The following CDH1 variants were observed in gnomAD, a reference collection of about 807,000 sequenced individuals.
CDH1 encodes the protein cadherin-1.
A neutral mutation model predicts 84.5 loss-of-function variants in CDH1; 35 were observed. That is an observed-to-expected ratio of 0.41 (90% CI 0.32 to 0.55). The LOEUF is 0.55. Among genes scored for constraint, CDH1 ranks in the 20% least tolerant of loss-of-function variants. The pLI is 0.19. For synonymous variants in CDH1, 417 were observed against 439.0 expected, an observed-to-expected ratio of 0.95 and a Z score of 0.63; for missense variants, 994 against 1,126.6, an observed-to-expected ratio of 0.88 and a Z score of 1.68.
At chr16:68,829,428 A>T (rs768084711) in intron 14 of CDH1, among the ~76,000 whole-genome samples, 1 of 152,176 alleles carries the variant, frequency 6.6e-6, no homozygotes, top group Non-Finnish European at 1.5e-5. Context: ...CACAGCCTAT[A>T]TCTGGATCCA....
intron 13 of CDH1, among the ~76,000 whole-genome samples, chr16:68,824,919 G>T (rs957425104): frequency 8.5e-5 from 13 of 152,264 alleles, no homozygotes; most frequent in East Asian, 1.9e-4. Context: ...ACATGTGAAT[G>T]ATGGAAGAGC....
rs1960776694 is a variant in CDH1, at chr16:68,810,122, C to G, written c.688-75C>G. On this transcript the variant is annotated intron_variant, in intron 5 of 15. Coordinates refer to ENST00000261769, the MANE Select transcript of CDH1 (RefSeq NM_004360.5). ...GGTGTGGCAGCCAGGGGGGCGCACT[C>G]TGCTCTGGCTGGGCCCCTTCTCCCA... The G allele has an allele frequency of 9.6e-6, 15 of 1,555,122 alleles. No individual in the cohort carries two copies. In the Admixed American group the frequency reaches 2.0e-4, roughly 21 times the overall value.
At chr16:68,760,844 G>A (rs915222230) in intron 2 of CDH1, among the ~76,000 whole-genome samples, 7 of 152,132 alleles carry the variant, frequency 4.6e-5, no homozygotes, top group African/African-American at 1.2e-4. Context: ...GAGGCCAGGG[G>A]GAGTCTGGGA....
chr16:68,781,808 CTT>C (rs1306901462), intron 2 of CDH1, among the ~76,000 whole-genome samples: 1 of 152,126 alleles, frequency 6.6e-6, no homozygotes, highest in African/African-American at 2.4e-5. Flanking sequence ...ATCTGAGACT[CTT>C]TGAGAGACTG....
chr16:68,832,339 G>A (rs148120621), intron 15 of CDH1, among the ~76,000 whole-genome samples: 25 of 151,704 alleles, frequency 1.6e-4, no homozygotes, highest in Admixed American at 1.6e-3. Context: ...ATTATGGTGT[G>A]GGGGTACACA....
At position 68,819,196 on chromosome 16, in the gene CDH1, A is replaced by G. The variant is rs72556522; in HGVS notation, c.1566-84A>G. ...AAATAAAAACGTTGGAAGTAACCAT[A>G]TAACTGAAGAAGCGCTTAAGCCGTT... On this transcript the variant is annotated intron_variant, in intron 10 of 15. Coordinates refer to ENST00000261769, the MANE Select transcript of CDH1 (RefSeq NM_004360.5). The G allele has an allele frequency of 3.6e-4, 533 of 1,484,522 alleles. 1 individual carries two copies. The African/African-American group carries it at 5.4e-3, about 15-fold the overall frequency. The allele number at this position is 1,484,522 out of a possible 1,614,324, so 92.0% of individuals were successfully genotyped here. A position where few individuals can be genotyped will look rare whatever the true frequency, so the allele number is the denominator to read the frequency against.
chr16:68,757,967 C>T (rs1241647074), intron 2 of CDH1, among the ~76,000 whole-genome samples: 7 of 113,350 alleles, frequency 6.2e-5, no homozygotes, highest in Non-Finnish European at 1.1e-4. Context: ...CCAGGCTAAT[C>T]TTTTTTTTTT....
chr16:68,819,980 C>G (rs570402379), intron 11 of CDH1, among the ~76,000 whole-genome samples: 2 of 152,252 alleles, frequency 1.3e-5, no homozygotes, highest in Admixed American at 1.3e-4. Context: ...GGGAGGATCA[C>G]TTGAGCCCAG....
rs786201463 is a variant in CDH1, at chr16:68,801,806, C to G, written c.300C>G (p.Val100=). ...ATAACCCACAGATCCATTTCTTGGT[C>G]TACGCCTGGGACTCCACCTACAGAA... ...RFHNPQIHFL[V]YAWDSTYRKF... The change falls in exon 3 of 16, where the codon GTC becomes GTG. Residue 100 remains valine, a synonymous_variant. Transcript: ENST00000261769. 7.4e-6 allele frequency: 12 copies of G among 1,614,206 alleles called. No homozygotes were observed. Among genetic ancestry groups the G allele is most frequent in the Non-Finnish European group, 1.0e-5 (12 of 1,180,022 alleles).
intron 3 of CDH1, among the ~76,000 whole-genome samples, chr16:68,803,563 G>A (rs1270275659): frequency 6.6e-6 from 1 of 152,020 alleles, no homozygotes; most frequent in Non-Finnish European, 1.5e-5. Flanking sequence ...ATGCCTGGCT[G>A]ATTTTTGGAT....
intron 2 of CDH1, among the ~76,000 whole-genome samples, chr16:68,781,420 G>A (rs750363598): frequency 2.0e-4 from 30 of 152,084 alleles, no homozygotes; most frequent in Non-Finnish European, 2.6e-4. Context: ...GCTAGTTGCA[G>A]CCTTGACCTC....
rs1057521683 is a variant in CDH1, at chr16:68,829,638, C to T, written c.2296-16C>T. The stretch of plus-strand genomic sequence containing the variant: ...TTTCCTACTCTTCATTGTACTTCAA[C>T]CTTTTTTCTCCAAAGGACTTTGACT... On this transcript the variant is annotated splice_polypyrimidine_tract_variant and intron_variant, in intron 14 of 15. Coordinates refer to ENST00000261769, the MANE Select transcript of CDH1 (RefSeq NM_004360.5). 1.4e-5 allele frequency: 22 copies of T among 1,613,914 alleles called. No homozygotes were observed. The highest frequency in any genetic ancestry group is 1.9e-5 in the Non-Finnish European group (22 of 1,179,860).
chr16:68,821,765 C>T (rs541311732), intron 11 of CDH1, among the ~76,000 whole-genome samples: 78 of 152,194 alleles, frequency 5.1e-4, no homozygotes, highest in African/African-American at 1.7e-3. Flanking sequence ...TGAGGAATAA[C>T]TTGAATAATT....
intron 2 of CDH1, among the ~76,000 whole-genome samples, chr16:68,788,116 C>G (rs9932005): frequency 6.6e-6 from 1 of 151,926 alleles, no homozygotes; most frequent in African/African-American, 2.4e-5. Context: ...TGTGAGCCAC[C>G]GCACCCAGCC....
chr16:68,829,953 C>CTTTTTTTTTTTTTTT (rs67262350), intron 15 of CDH1, among the ~76,000 whole-genome samples, 156 bp downstream of exon 15: 8 of 102,238 alleles, frequency 7.8e-5, no homozygotes, highest in East Asian at 3.0e-4. Flanking sequence ...CTTTTTTTTT[C>CTTTTTTTTTTTTTTT]TTTTTCTTTT....
chr16:68,789,924 C>T (rs889406412), intron 2 of CDH1, among the ~76,000 whole-genome samples: 1 of 152,130 alleles, frequency 6.6e-6, no homozygotes, highest in Non-Finnish European at 1.5e-5. Flanking sequence ...GGCATGGTGG[C>T]GCATGCCTGT....
At chr16:68,797,952 A>ATG (rs1269114542) in intron 2 of CDH1, among the ~76,000 whole-genome samples, 1 of 151,822 alleles carries the variant, frequency 6.6e-6, no homozygotes, top group African/African-American at 2.4e-5. Flanking sequence ...GGTGGTGTGC[A>ATG]CCTGTAATCC....
chr16:68,832,829 A>T (rs1961519997), intron 15 of CDH1, among the ~76,000 whole-genome samples: 1 of 152,168 alleles, frequency 6.6e-6, no homozygotes, highest in Non-Finnish European at 1.5e-5. Flanking sequence ...TCTAAAAAAA[A>T]AGAAAAAGAA....
chr16:68,822,106 A>G lies in CDH1; in HGVS notation c.1817A>G (p.Asn606Ser), dbSNP rs1961162483. ...EPRTIFFCERNPKPQVINIID... is the reference protein window; with the variant it reads ...EPRTIFFCERSPKPQVINIID... ...CGAACTATATTCTTCTGTGAGAGGA[A>G]TCCAAAGCCTCAGGTCATAAACATC... The change falls in exon 12 of 16, where the codon AAT becomes AGT. Residue 606 changes from asparagine (N) to serine (S), a missense_variant. Around this residue, in one of 3 missense-constraint regions of CDH1, gnomAD observed 769 missense variants for 881.8 expected, o/e 0.87. Coordinates refer to ENST00000261769, the MANE Select transcript of CDH1 (RefSeq NM_004360.5). 6.2e-7 allele frequency: 1 copy of G among 1,614,158 alleles called. No homozygotes were observed. The highest frequency in any genetic ancestry group is 8.5e-7 in the Non-Finnish European group (1 of 1,180,016).
Sources: gnomAD v4.1 joint callset for allele counts (sites outside exome capture counted in the v4.1 genomes callset) on GRCh38, gnomAD v4.1.1 for gene constraint, gnomAD v4.1.1 regional missense constraint, MANE v1.5 for transcripts, NCBI Gene and HGNC (gene_info 2026-07-23, HGNC 2026-07-21) for gene names.